The following OPCML variants were observed in gnomAD, a reference collection of about 807,000 sequenced individuals.
The protein encoded by OPCML is opioid-binding protein/cell adhesion molecule.
A neutral mutation model predicts 37.8 loss-of-function variants in OPCML; 13 were observed. That is an observed-to-expected ratio of 0.34 (90% CI 0.22 to 0.55). The LOEUF is 0.55. OPCML is among the 20% of genes least tolerant of loss of function. The pLI is 0.91. For missense variants in OPCML, 341 were observed against 435.6 expected (o/e 0.78, Z 1.93); for synonymous variants, 176 against 168.8 (o/e 1.04, Z -0.33).
At chr11:133,523,567 A>G (rs993713890) in intron 1 of OPCML, among the ~76,000 whole-genome samples, 5 of 152,202 alleles carry the variant, frequency 3.3e-5, no homozygotes, top group South Asian at 2.1e-4. Flanking sequence ...GCCAACTGCA[A>G]CAAGAACAAG....
chr11:133,312,817 C>T (rs995827610), intron 1 of OPCML, among the ~76,000 whole-genome samples: 1 of 152,154 alleles, frequency 6.6e-6, no homozygotes, highest in Non-Finnish European at 1.5e-5. Flanking sequence ...GTAATATAAA[C>T]AGTCATTTAA....
chr11:132,921,275 C>T (rs1012475170), intron 2 of OPCML, among the ~76,000 whole-genome samples: 9 of 152,156 alleles, frequency 5.9e-5, no homozygotes, highest in Admixed American at 2.0e-4. Flanking sequence ...CTTTTGATCA[C>T]GGTAAGGCCA....
chr11:132,716,412 GTCTATCTATCTATCTA>G (rs61519269), intron 2 of OPCML, among the ~76,000 whole-genome samples: 52 of 104,010 alleles, frequency 5.0e-4, no homozygotes, highest in Non-Finnish European at 1.6e-4. Context: ...CTATCTGTCT[GTCTATCTATCTATCTA>G]TCTATCTATC....
intron 2 of OPCML, chr11:132,772,290 T>C (rs2136125915): frequency 6.6e-6 from 1 of 152,314 alleles, no homozygotes; most frequent in Non-Finnish European, 1.5e-5. Flanking sequence ...TGCACCCTAG[T>C]CATAAACACC....
Position 133,141,401 on chromosome 11 carries a change from T to G in OPCML, c.62-198391A>C, listed in dbSNP as rs1426501890. Among the ~76,000 whole-genome samples the G allele has an allele frequency of 2.6e-5, 4 of 152,248 alleles. No individual in the cohort carries two copies. In the East Asian group the frequency reaches 7.8e-4, roughly 30 times the overall value. ...GAACTGGTTTCAACAAGTCTTCAAA[T>G]TTTGCTCCACAAAATAGTCTTCATC... On this transcript the variant is annotated intron_variant, in intron 1 of 7. Transcript: ENST00000524381.
At chr11:132,614,437 T>C (rs372132034) in intron 3 of OPCML, among the ~76,000 whole-genome samples, 1 of 152,210 alleles carries the variant, frequency 6.6e-6, no homozygotes, top group Non-Finnish European at 1.5e-5. Context: ...TGAGGCTCCA[T>C]AGCAGTGAGT....
intron 1 of OPCML, among the ~76,000 whole-genome samples, chr11:133,046,328 T>C (rs1455792318): frequency 1.3e-5 from 2 of 152,208 alleles, no homozygotes; most frequent in South Asian, 2.1e-4. Flanking sequence ...TAGCTCATAT[T>C]TGACAGTGTG....
At chr11:132,851,532 A>G (rs1162815234) in intron 2 of OPCML, among the ~76,000 whole-genome samples, 1 of 152,190 alleles carries the variant, frequency 6.6e-6, no homozygotes, top group East Asian at 1.9e-4. Context: ...GTCTACCAAG[A>G]AAAGGGTTCA....
intron 1 of OPCML, among the ~76,000 whole-genome samples, chr11:133,046,311 G>A (rs1948014473): frequency 6.6e-6 from 1 of 152,224 alleles, no homozygotes; most frequent in South Asian, 2.1e-4. Context: ...AGACAAGCAA[G>A]AAGCAGTAGC....
intron 1 of OPCML, among the ~76,000 whole-genome samples, chr11:133,449,233 A>G (rs1315776096): frequency 6.6e-6 from 1 of 152,232 alleles, no homozygotes; most frequent in East Asian, 1.9e-4. Context: ...CCAAAGATCA[A>G]CAAGCTTTTT....
At chr11:133,121,945 G>T (rs1949429244) in intron 1 of OPCML, among the ~76,000 whole-genome samples, 1 of 151,958 alleles carries the variant, frequency 6.6e-6, no homozygotes, top group African/African-American at 2.4e-5. Context: ...CTTATTTTTG[G>T]CCCTTAAAAG....
chr11:132,715,040 C>T (rs1488211814), intron 2 of OPCML, among the ~76,000 whole-genome samples: 2 of 152,154 alleles, frequency 1.3e-5, no homozygotes, highest in Non-Finnish European at 2.9e-5. Flanking sequence ...ATCTTCCCTG[C>T]TCATGGGCAA....
intron 1 of OPCML, among the ~76,000 whole-genome samples, chr11:133,232,661 G>T (rs1940330415): frequency 6.6e-6 from 1 of 152,072 alleles, no homozygotes; most frequent in Admixed American, 6.5e-5. Context: ...ACAGGCTGGT[G>T]GTGAGAAGAC....
chr11:132,868,623 C>T (rs938627040), intron 2 of OPCML, among the ~76,000 whole-genome samples: 12 of 152,052 alleles, frequency 7.9e-5, no homozygotes, highest in Admixed American at 7.9e-4. Flanking sequence ...CACAGTTGCA[C>T]CAAATTTCTT....
chr11:132,889,560 C>T (rs1318542041), intron 2 of OPCML, among the ~76,000 whole-genome samples: 1 of 152,218 alleles, frequency 6.6e-6, no homozygotes, highest in African/African-American at 2.4e-5. Context: ...GCCAACTGGG[C>T]AGAACTATTA....
chr11:132,759,222 T>C (rs1159391055), intron 2 of OPCML, among the ~76,000 whole-genome samples: 1 of 152,224 alleles, frequency 6.6e-6, no homozygotes, highest in African/African-American at 2.4e-5. Flanking sequence ...TTGAGGATTT[T>C]CGCATCGATG....
At chr11:133,424,692 G>A (rs1233602352) in intron 1 of OPCML, among the ~76,000 whole-genome samples, 2 of 152,002 alleles carry the variant, frequency 1.3e-5, no homozygotes, top group Non-Finnish European at 2.9e-5. Context: ...TCTTTTGTTC[G>A]TGTCTTTGAT....
chr11:132,546,307 T>TG (rs1202502117), intron 3 of OPCML, among the ~76,000 whole-genome samples: 4 of 152,244 alleles, frequency 2.6e-5, no homozygotes, highest in South Asian at 4.2e-4. Flanking sequence ...CCATAGGTTT[T>TG]GGGGGGGAAC....
In OPCML at chr11:133,502,406, C is replaced by T. The variant is rs76309325; in HGVS notation, c.61+29858G>A. Among the ~76,000 whole-genome samples the T allele has an allele frequency of 2.8e-3, 419 of 152,294 alleles. 1 individual carries two copies. The highest frequency in any genetic ancestry group is 9.6e-3 in the African/African-American group (401 of 41,564). On this transcript the variant is annotated intron_variant, in intron 1 of 7. Transcript: ENST00000524381. ...CTGTTCTCGTACACCCCAGCGTCCT[C>T]GTCCAAACCGGCTGACAAGCTCCCT... is the stretch of plus-strand genomic sequence containing the variant.
Sources: gnomAD v4.1 joint callset for allele counts (sites outside exome capture counted in the v4.1 genomes callset) on GRCh38, gnomAD v4.1.1 for gene constraint, MANE v1.5 for transcripts, NCBI Gene and HGNC (gene_info 2026-07-23, HGNC 2026-07-21) for gene names.